IL23R: variants seen among roughly 807,000 people sequenced by gnomAD.
The protein encoded by IL23R is interleukin 23 receptor.
Under a neutral mutation model 56.9 loss-of-function variants are expected in IL23R, and 34 were observed. The observed-to-expected ratio is 0.60, with a 90% CI of 0.45 to 0.80. The LOEUF (loss-of-function observed/expected upper bound fraction) is 0.80, where lower values mean the gene tolerates loss of function less well. Among genes scored for constraint, IL23R ranks in the 30% least tolerant of loss-of-function variants. The pLI is 0.00. For synonymous variants in IL23R, 230 were observed against 249.2 expected (o/e 0.92, Z 0.73); for missense variants, 635 against 730.0 (o/e 0.87, Z 1.50).
At chr1:67,150,930 CT>C (rs1365826655) in intron 1 of IL23R, among the ~76,000 whole-genome samples, 1 of 152,106 alleles carries the variant, frequency 6.6e-6, no homozygotes, top group Non-Finnish European at 1.5e-5. Context: ...GTGCACGTAT[CT>C]TTGTAGTAGA....
In IL23R at chr1:67,171,012, A is replaced by G. The variant is rs564360177; in HGVS notation, c.367+1374A>G. 3.3e-5 allele frequency among the ~76,000 whole-genome samples: 5 copies of G among 152,372 alleles called. No individual in the cohort carries two copies. In the East Asian group the frequency reaches 9.6e-4, roughly 29 times the overall value. On this transcript the variant is annotated intron_variant, in intron 3 of 10. Transcript: ENST00000347310. ...CTTAAACTGATGCCTTAAAGCTGCT[A>G]AACTTGCCCTAAATTGTGGAAATTA...
In IL23R at chr1:67,216,690, ATTTC is replaced by A. The variant is rs528703745; in HGVS notation, c.799-2879_799-2876del. Among the ~76,000 whole-genome samples, 246 of 152,248 alleles carry A rather than the reference ATTTC, an allele frequency of 1.6e-3. 1 individual carries two copies. Among genetic ancestry groups the A allele is most frequent in the African/African-American group, 5.8e-3 (239 of 41,556 alleles). ...ATGAAATAGTCTTTTTTTAAAAAAAATTTCTTTCAACCATTTAAAAGTGAGAAAA... is the reference window on the plus strand; with the variant it reads ...ATGAAATAGTCTTTTTTTAAAAAAAATTTCAACCATTTAAAAGTGAGAAAA... On this transcript the variant is annotated intron_variant, in intron 6 of 10. Transcript: ENST00000347310.
chr1:67,199,587 C>G (rs1317721332), intron 4 of IL23R, among the ~76,000 whole-genome samples: 1 of 152,018 alleles, frequency 6.6e-6, no homozygotes, highest in African/African-American at 2.4e-5. Context: ...TACTTAAAAT[C>G]AGAAGAGAAA....
In IL23R at chr1:67,233,874, T is replaced by C. The variant is rs17129709; in HGVS notation, c.956-2839T>C. 5.8e-3 allele frequency among the ~76,000 whole-genome samples: 875 copies of C among 150,706 alleles called. 6 individuals carry two copies. Among genetic ancestry groups the C allele is most frequent in the African/African-American group, 0.02 (822 of 41,126 alleles). ...GAGGTTTTTTTTTTTTTTAGCAAAT[T>C]AGGCAATGCACTGATGACAGAACTG... On this transcript the variant is annotated intron_variant, in intron 7 of 10. Transcript: ENST00000347310.
intron 7 of IL23R, among the ~76,000 whole-genome samples, chr1:67,234,759 G>T (rs1651355332): frequency 7.2e-6 from 1 of 138,890 alleles, no homozygotes; most frequent in African/African-American, 2.7e-5. Context: ...CCAGGCTGGA[G>T]TGCAGTGGTG....
chr1:67,234,127 C>T (rs1210685088), intron 7 of IL23R, among the ~76,000 whole-genome samples: 2 of 151,948 alleles, frequency 1.3e-5, no homozygotes, highest in Non-Finnish European at 2.9e-5. Context: ...CTTTAATTAT[C>T]GCTTTTACAG....
chr1:67,159,816 T>C (rs928795910), intron 1 of IL23R, among the ~76,000 whole-genome samples: 1 of 152,188 alleles, frequency 6.6e-6, no homozygotes, highest in Non-Finnish European at 1.5e-5. Context: ...TGTGATTTTC[T>C]GGATATGACT....
chr1:67,241,882 T>C (rs1357574650), intron 9 of IL23R, among the ~76,000 whole-genome samples: 1 of 152,192 alleles, frequency 6.6e-6, no homozygotes, highest in Non-Finnish European at 1.5e-5. Flanking sequence ...TCTACTCACT[T>C]AAGTGATTTT....
downstream of IL23R, among the ~76,000 whole-genome samples, chr1:67,261,751 A>G (rs567686778): frequency 1.3e-5 from 2 of 152,242 alleles, no homozygotes; most frequent in Admixed American, 6.5e-5. Flanking sequence ...GAATATTTTT[A>G]TAGTACGTTT....
At chr1:67,255,420 C>T (rs1299665809) in intron 9 of IL23R, among the ~76,000 whole-genome samples, 1 of 152,060 alleles carries the variant, frequency 6.6e-6, no homozygotes, top group African/African-American at 2.4e-5. Flanking sequence ...TTAGCCTCGG[C>T]ATCAGGAAGT....
downstream of IL23R, among the ~76,000 whole-genome samples, chr1:67,263,722 C>A (rs1024455185): frequency 9.9e-5 from 15 of 152,188 alleles, no homozygotes; most frequent in African/African-American, 3.4e-4. Context: ...ACCAGCCTGG[C>A]CAACATGATG....
chr1:67,229,549 C>G (rs932407818), intron 7 of IL23R, among the ~76,000 whole-genome samples: 4 of 152,182 alleles, frequency 2.6e-5, no homozygotes, highest in African/African-American at 9.7e-5. Flanking sequence ...TCCCCTCTCC[C>G]CTCTGGGAGG....
intron 4 of IL23R, among the ~76,000 whole-genome samples, chr1:67,197,703 G>C (rs1648267372): frequency 6.6e-6 from 1 of 152,256 alleles, no homozygotes; most frequent in East Asian, 1.9e-4. Flanking sequence ...CCTGAACTTT[G>C]GGAGGCCAAG....
At chr1:67,194,500 TA>T (rs575671057) in intron 4 of IL23R, among the ~76,000 whole-genome samples, 30 of 152,342 alleles carry the variant, frequency 2.0e-4, no homozygotes, top group Admixed American at 8.5e-4. Context: ...ACAAGTTCTA[TA>T]TAAAAATAAC....
intron 7 of IL23R, among the ~76,000 whole-genome samples, chr1:67,226,515 G>C (rs1650629283): frequency 6.6e-6 from 1 of 152,124 alleles, no homozygotes; most frequent in Admixed American, 6.5e-5. Context: ...CTTTTCTTCT[G>C]TCCTTCTCTG....
intron 4 of IL23R, among the ~76,000 whole-genome samples, chr1:67,189,882 G>C (rs1036481442): frequency 6.6e-6 from 1 of 152,066 alleles, no homozygotes; most frequent in Non-Finnish European, 1.5e-5. Context: ...GGAGGCAGAG[G>C]TTGCAGTGAG....
chr1:67,261,597 C>T (rs940391304), downstream of IL23R, among the ~76,000 whole-genome samples: 5 of 151,974 alleles, frequency 3.3e-5, no homozygotes, highest in Admixed American at 3.3e-4. Context: ...TTGTAAATTG[C>T]CGTATGCCTT....
At chr1:67,179,703 G>A (rs549142007) in intron 3 of IL23R, among the ~76,000 whole-genome samples, 1 of 152,184 alleles carries the variant, frequency 6.6e-6, no homozygotes, top group Non-Finnish European at 1.5e-5. Context: ...TCTTTTAATT[G>A]TGATGTTAGG....
At chr1:67,225,379 T>G (rs1252682895) in intron 7 of IL23R, among the ~76,000 whole-genome samples, 1 of 152,120 alleles carries the variant, frequency 6.6e-6, no homozygotes, top group African/African-American at 2.4e-5. Context: ...AAAGGATAGG[T>G]AAAAAAGGCA....
Sources: allele counts gnomAD v4.1 joint callset (sites outside exome capture counted in the v4.1 genomes callset), GRCh38; gene constraint gnomAD v4.1.1; transcripts MANE v1.5; gene names NCBI Gene and HGNC (gene_info 2026-07-23, HGNC 2026-07-21).